Variants in RBFOX1 observed in about 807,000 individuals in gnomAD.
RBFOX1 encodes the protein RNA binding protein fox-1 homolog 1.
In RBFOX1, 8 loss-of-function variants were observed where a neutral mutation model predicts 57.7. The observed-to-expected ratio is 0.14, with a 90% CI of 0.08 to 0.25. The LOEUF is 0.25. Among genes scored for constraint, RBFOX1 ranks in the 10% least tolerant of loss-of-function variants. The pLI, the probability that RBFOX1 is intolerant of heterozygous loss-of-function variation, is 1.00. For synonymous variants in RBFOX1, 326 were observed against 222.4 expected (o/e 1.47, Z -4.15); for missense variants, 611 against 548.5 (o/e 1.11, Z -1.14).
intron 4 of RBFOX1, among the ~76,000 whole-genome samples, chr16:7,148,087 A>G (rs1259699707): frequency 6.6e-6 from 1 of 152,196 alleles, no homozygotes; most frequent in African/African-American, 2.4e-5. Flanking sequence ...AGACAAACCT[A>G]GTCACAGCCA....
chr16:6,158,838 C>T (rs772319755), intron 1 of RBFOX1, among the ~76,000 whole-genome samples: 9 of 151,986 alleles, frequency 5.9e-5, no homozygotes, highest in Non-Finnish European at 8.8e-5. Context: ...AGAGAATAGA[C>T]AGGCACCTAT....
intron 2 of RBFOX1, among the ~76,000 whole-genome samples, chr16:6,622,803 G>A (rs1009296748): frequency 6.6e-6 from 1 of 152,128 alleles, no homozygotes; most frequent in Non-Finnish European, 1.5e-5. Flanking sequence ...CCACTGATGA[G>A]CTGAGAACTC....
chr16:7,028,609 C>CAAA (rs869138217), intron 3 of RBFOX1, among the ~76,000 whole-genome samples: 23 of 45,422 alleles, frequency 5.1e-4, no homozygotes, highest in South Asian at 1.3e-3. Context: ...CACACACACA[C>CAAA]AAAAAAAAAA....
At chr16:6,637,049 A>C (rs1190125670) in intron 2 of RBFOX1, among the ~76,000 whole-genome samples, 1 of 103,710 alleles carries the variant, frequency 9.6e-6, no homozygotes. Context: ...ATTATGTATA[A>C]ACATATTTAT....
intron 3 of RBFOX1, among the ~76,000 whole-genome samples, chr16:6,670,472 A>C (rs1399373378): frequency 1.3e-5 from 2 of 152,206 alleles, no homozygotes; most frequent in Non-Finnish European, 2.9e-5. Context: ...CCATGACTGG[A>C]ATGTTTTCAT....
At chr16:7,248,782 T>C (rs1307638163) in intron 4 of RBFOX1, among the ~76,000 whole-genome samples, 11 of 152,244 alleles carry the variant, frequency 7.2e-5, no homozygotes, top group African/African-American at 2.7e-4. Context: ...TAGGCAGAGA[T>C]ATATCAGGGA....
chr16:7,164,057 C>T (rs965192688), intron 4 of RBFOX1, among the ~76,000 whole-genome samples: 1 of 152,134 alleles, frequency 6.6e-6, no homozygotes, highest in Non-Finnish European at 1.5e-5. Flanking sequence ...GATTTTGGTG[C>T]ACTCTTCACT....
At chr16:5,879,675 T>A (rs781472369) in intron 4 of RBFOX1, among the ~76,000 whole-genome samples, 2 of 152,226 alleles carry the variant, frequency 1.3e-5, no homozygotes, top group Non-Finnish European at 2.9e-5. Context: ...GGCTAAGCTA[T>A]GCAAGTAACA....
intron 10 of RBFOX1, among the ~76,000 whole-genome samples, chr16:7,629,516 G>C (rs544122987): frequency 5.3e-5 from 8 of 152,274 alleles, no homozygotes; most frequent in African/African-American, 1.9e-4. Flanking sequence ...CCCCAGTCAA[G>C]GAAGTGACCA....
At chr16:5,544,670 T>C (rs1448473971) in intron 2 of RBFOX1, among the ~76,000 whole-genome samples, 1 of 152,134 alleles carries the variant, frequency 6.6e-6, no homozygotes, top group African/African-American at 2.4e-5. Context: ...AAAAATGATA[T>C]CAAATACTAA....
intron 3 of RBFOX1, among the ~76,000 whole-genome samples, chr16:5,779,171 G>C (rs1314816324): frequency 6.6e-6 from 1 of 152,082 alleles, no homozygotes; most frequent in Non-Finnish European, 1.5e-5. Flanking sequence ...TTTGCGAAAT[G>C]ACTGTTAGGT....
At chr16:7,126,963 C>T (rs1222477500) in intron 4 of RBFOX1, among the ~76,000 whole-genome samples, 3 of 149,270 alleles carry the variant, frequency 2.0e-5, no homozygotes, top group African/African-American at 2.5e-5. Flanking sequence ...GAGCCAAGAT[C>T]GCGCCACTAC....
At chr16:7,251,887 T>A (rs183330582) in intron 4 of RBFOX1, among the ~76,000 whole-genome samples, 1 of 152,360 alleles carries the variant, frequency 6.6e-6, no homozygotes, top group East Asian at 1.9e-4. Flanking sequence ...TAGTTCTATT[T>A]TTAATTTTTT....
intron 4 of RBFOX1, among the ~76,000 whole-genome samples, chr16:7,242,557 C>G (rs1465798011): frequency 6.6e-6 from 1 of 152,204 alleles, no homozygotes; most frequent in African/African-American, 2.4e-5. Context: ...CACGTGGCAA[C>G]TTGGACATGG....
chr16:6,024,486 C>T (rs543680272), intron 1 of RBFOX1, among the ~76,000 whole-genome samples: 1 of 151,764 alleles, frequency 6.6e-6, no homozygotes, highest in Admixed American at 6.5e-5. Flanking sequence ...GTATTCTACT[C>T]ATCTCCGCTT....
chr16:7,372,346 C>G (rs542228661), intron 4 of RBFOX1, among the ~76,000 whole-genome samples: 3 of 152,290 alleles, frequency 2.0e-5, no homozygotes, highest in South Asian at 2.1e-4. Context: ...TGCTTAGGAT[C>G]AGACAACTGC....
chr16:5,963,692 A>G (rs553086630), intron 4 of RBFOX1, among the ~76,000 whole-genome samples: 1 of 152,164 alleles, frequency 6.6e-6, no homozygotes, highest in Non-Finnish European at 1.5e-5. Context: ...TAATGGGACA[A>G]CTGGATATCC....
At chr16:5,763,384 A>G (rs1274363287) in intron 3 of RBFOX1, among the ~76,000 whole-genome samples, 2 of 152,164 alleles carry the variant, frequency 1.3e-5, no homozygotes, top group African/African-American at 4.8e-5. Context: ...AGCTACAGCG[A>G]TGCAAACGTG....
intron 4 of RBFOX1, among the ~76,000 whole-genome samples, chr16:7,234,689 G>A (rs202230756): frequency 4.8e-5 from 7 of 146,680 alleles, no homozygotes; most frequent in African/African-American, 1.3e-4. Context: ...ATATATATAT[G>A]TATATATATA....
Sources: allele counts gnomAD v4.1 joint callset (sites outside exome capture counted in the v4.1 genomes callset), GRCh38; gene constraint gnomAD v4.1.1; transcripts MANE v1.5; gene names NCBI Gene and HGNC (gene_info 2026-07-23, HGNC 2026-07-21).